Variants in ANKRD17 observed in about 807,000 individuals in gnomAD.
The protein encoded by ANKRD17 is ankyrin repeat domain 17.
A neutral mutation model predicts 229.7 loss-of-function variants in ANKRD17; 19 were observed. The observed-to-expected ratio is 0.08, with a 90% confidence interval of 0.06 to 0.12. The LOEUF (loss-of-function observed/expected upper bound fraction) is 0.12, where lower values mean the gene tolerates loss of function less well. Ranked by LOEUF, ANKRD17 falls within the 10% of genes least tolerant of loss-of-function variation. The pLI, the probability that ANKRD17 is intolerant of heterozygous loss-of-function variation, is 1.00. For synonymous variants in ANKRD17, 1,112 were observed against 1,146.1 expected (o/e 0.97, Z 0.60); for missense variants, 2,176 against 3,176.8 (o/e 0.68, Z 7.57).
Position 73,168,089 on chromosome 4 carries a change from C to G in ANKRD17, c.548-6741G>C, listed in dbSNP as rs528205156. ...AATGCCATGAACCCGGGAGGCGGAG[C>G]TTGCAGTGAGCCAAGATCCCACCAC... On this transcript the variant is annotated intron_variant, in intron 2 of 33. Coordinates refer to ENST00000358602, the MANE Select transcript of ANKRD17 (RefSeq NM_032217.5). Among the ~76,000 whole-genome samples the G allele has an allele frequency of 1.5e-3, 222 of 151,468 alleles. 1 individual carries two copies. The highest frequency in any genetic ancestry group is 4.9e-3 in the African/African-American group (201 of 41,188).
intron 1 of ANKRD17, among the ~76,000 whole-genome samples, chr4:73,179,466 A>ATGTGTGTGTGTGTG (rs55769249): frequency 6.6e-5 from 4 of 60,774 alleles, no homozygotes; most frequent in East Asian, 5.5e-4. Context: ...ATATGTATAT[A>ATGTGTGTGTGTGTG]TGTGTGTGTG....
intron 25 of ANKRD17, chr4:73,099,294 C>T (rs1329309428): frequency 3.4e-6 from 2 of 595,170 alleles, no homozygotes; most frequent in Admixed American, 5.3e-5. Context: ...CCTGCACCCT[C>T]ACCACCACAC....
intron 24 of ANKRD17, among the ~76,000 whole-genome samples, chr4:73,109,474 G>T (rs371970373): frequency 1.3e-5 from 2 of 152,124 alleles, no homozygotes; most frequent in East Asian, 3.9e-4. Flanking sequence ...AGATGGTGTA[G>T]GTAAAGTCTT....
At chr4:73,222,832 A>C in intron 1 of ANKRD17, 1 of 674,798 alleles carries the variant, frequency 1.5e-6, no homozygotes, top group East Asian at 2.7e-5. Flanking sequence ...TCTCACACGG[A>C]ATAGGTCTGA....
chr4:73,144,814 C>T lies in ANKRD17; in HGVS notation c.1888G>A (p.Gly630Arg). ...GCAGCTTTCATTAAAGGAGTTCTTC[C>T]ACCTTCAGATTCATGTTCCTGTTTA... Reference protein sequence around the residue: ...GADLEHESEGGRTPLMKAARA... With the variant: ...GADLEHESEGRRTPLMKAARA... The change falls in exon 11 of 34, where the codon GGA becomes AGA. Residue 630 changes from glycine (G) to arginine (R), a missense_variant. This residue lies in a region of ANKRD17 where 275 missense variants were observed against 386.9 expected (regional missense o/e 0.71). Coordinates refer to ENST00000358602, the MANE Select transcript of ANKRD17 (RefSeq NM_032217.5). The T allele has an allele frequency of 6.3e-7, 1 of 1,599,512 alleles. No individual in the cohort carries two copies. Among genetic ancestry groups the T allele is most frequent in the South Asian group, 1.1e-5 (1 of 87,864 alleles).
chr4:73,205,286 C>G (rs1739292695), intron 1 of ANKRD17, among the ~76,000 whole-genome samples: 1 of 152,078 alleles, frequency 6.6e-6, no homozygotes, highest in African/African-American at 2.4e-5. Flanking sequence ...CCACTGCACT[C>G]CAGCCTGGGT....
At chr4:73,245,499 T>G (rs1744415948) in intron 1 of ANKRD17, among the ~76,000 whole-genome samples, 1 of 152,146 alleles carries the variant, frequency 6.6e-6, no homozygotes, top group Non-Finnish European at 1.5e-5. Flanking sequence ...CCTTCCTGAC[T>G]GCCTATGGAG....
chr4:73,147,487 T>C (rs541452363), intron 8 of ANKRD17, 55 bp from the exon 9 acceptor site: 2 of 1,303,908 alleles, frequency 1.5e-6, no homozygotes, highest in African/African-American at 3.1e-5. Flanking sequence ...TCCAGAGATA[T>C]GAAAAACATG....
At chr4:73,255,808 C>T (rs1355080567) in intron 1 of ANKRD17, among the ~76,000 whole-genome samples, 1 of 152,024 alleles carries the variant, frequency 6.6e-6, no homozygotes, top group Non-Finnish European at 1.5e-5. Context: ...ACTGCAACCT[C>T]CACCTCCCGG....
At chr4:73,239,202 T>C (rs1414262112) in intron 1 of ANKRD17, among the ~76,000 whole-genome samples, 1 of 152,166 alleles carries the variant, frequency 6.6e-6, no homozygotes, top group Non-Finnish European at 1.5e-5. Flanking sequence ...TCAGATCCTA[T>C]ACCACTACAA....
At chr4:73,078,513 G>GAGCAAC (rs1721238051) in intron 31 of ANKRD17, 129 bp downstream of exon 31, 3 of 1,154,686 alleles carry the variant, frequency 2.6e-6, no homozygotes, top group Non-Finnish European at 3.5e-6. Flanking sequence ...ACTCCAGCCT[G>GAGCAAC]AGCAACAAGT....
chr4:73,163,600 C>T (rs1732825361), intron 2 of ANKRD17, among the ~76,000 whole-genome samples: 1 of 152,146 alleles, frequency 6.6e-6, no homozygotes, highest in African/African-American at 2.4e-5. Flanking sequence ...AATAATATCA[C>T]ATAAGTTTCA....
rs773766530 is a variant in ANKRD17 at position 73,085,428 on chromosome 4, G to A, written c.6980C>T (p.Ser2327Leu). Residue 2327 changes from serine (S) to leucine (L), a missense_variant, in exon 30 of 34, where the codon TCG becomes TTG. By Grantham distance (145) the Ser-to-Leu change is moderately radical. Coordinates refer to ENST00000358602, the MANE Select transcript of ANKRD17 (RefSeq NM_032217.5). ...AGAAGGTGTTACAGAACCATATGGC[G>A]AGTCCATATTGACAATACCTATAAT... Reference protein sequence around the residue: ...PSPSGIVNMDSPYGSVTPSST... With the variant: ...PSPSGIVNMDLPYGSVTPSST... 1.2e-6 allele frequency: 2 copies of A among 1,613,586 alleles called. No homozygotes were observed. The highest frequency in any genetic ancestry group is 2.2e-5 in the East Asian group (1 of 44,882).
chr4:73,207,162 CAT>C (rs1224338340), intron 1 of ANKRD17, among the ~76,000 whole-genome samples: 2 of 152,064 alleles, frequency 1.3e-5, no homozygotes, highest in Non-Finnish European at 2.9e-5. Context: ...CACAAATAAA[CAT>C]AAGTATATGA....
chr4:73,194,221 G>A (rs1578347351), intron 1 of ANKRD17, among the ~76,000 whole-genome samples: 1 of 152,132 alleles, frequency 6.6e-6, no homozygotes, highest in South Asian at 2.1e-4. Context: ...TTCTCTTCTA[G>A]AAGTTGCATT....
chr4:73,118,606 G>A (rs905899369), intron 22 of ANKRD17, 82 bp downstream of exon 22: 5 of 1,469,152 alleles, frequency 3.4e-6, no homozygotes, highest in Non-Finnish European at 4.7e-6. Context: ...AGCACAAAAT[G>A]AGTCTTTAGT....
At chr4:73,097,493 AG>A (rs1723448063) in intron 26 of ANKRD17, among the ~76,000 whole-genome samples, 1 of 150,706 alleles carries the variant, frequency 6.6e-6, no homozygotes, top group Admixed American at 6.6e-5. Context: ...GGAGCGCAAC[AG>A]TGCAATCACA....
intron 22 of ANKRD17, 60 bp from the exon 23 acceptor site, chr4:73,115,976 G>A (rs551415142): frequency 2.2e-6 from 3 of 1,385,954 alleles, no homozygotes; most frequent in Non-Finnish European, 3.1e-6. Context: ...GTAAATCTAT[G>A]CCTGAACTAA....
chr4:73,101,896 A>G (rs1469533750), intron 25 of ANKRD17, among the ~76,000 whole-genome samples: 1 of 151,910 alleles, frequency 6.6e-6, no homozygotes, highest in Non-Finnish European at 1.5e-5. Flanking sequence ...AAAGTTAGGG[A>G]GGAATTCAGT....
Sources: gnomAD v4.1 joint callset for allele counts (sites outside exome capture counted in the v4.1 genomes callset) on GRCh38, gnomAD v4.1.1 for gene constraint, gnomAD v4.1.1 regional missense constraint, MANE v1.5 for transcripts, NCBI Gene and HGNC (gene_info 2026-07-23, HGNC 2026-07-21) for gene names.